The following SPRYD7 variants were observed in gnomAD, a reference collection of about 807,000 sequenced individuals.
SPRYD7 encodes the protein SPRY domain containing 7, also known as SPRY domain-containing protein 7.
A neutral mutation model predicts 23.8 loss-of-function variants in SPRYD7; 14 were observed. That is an observed-to-expected ratio of 0.59 (90% CI 0.39 to 0.92). The LOEUF (loss-of-function observed/expected upper bound fraction) is 0.92. Among genes scored for constraint, SPRYD7 ranks in the 40% least tolerant of loss-of-function variants. The pLI, the probability that SPRYD7 is intolerant of heterozygous loss-of-function variation, is 0.00. For synonymous variants in SPRYD7, 75 were observed against 84.9 expected (o/e 0.88, Z 0.64); for missense variants, 194 against 241.7 (o/e 0.80, Z 1.31).
intron 4 of SPRYD7, among the ~76,000 whole-genome samples, chr13:49,921,151 T>C (rs1374757786): frequency 1.3e-5 from 2 of 152,104 alleles, no homozygotes; most frequent in Admixed American, 6.6e-5. Context: ...AATTGAATCA[T>C]GGGGGTGGTT....
chr13:49,929,101 G>A (rs539421133), intron 2 of SPRYD7, among the ~76,000 whole-genome samples: 2 of 152,204 alleles, frequency 1.3e-5, no homozygotes, highest in South Asian at 2.1e-4. Flanking sequence ...CTCCCAAAGC[G>A]CTGGAATTAC....
intron 4 of SPRYD7, among the ~76,000 whole-genome samples, chr13:49,920,677 A>G (rs562058446): frequency 6.6e-6 from 1 of 152,212 alleles, no homozygotes; most frequent in East Asian, 1.9e-4. Flanking sequence ...AAAGGTCCTT[A>G]TGGCTGGGCA....
At position 49,913,716 on chromosome 13, in the gene SPRYD7, C is replaced by T. The variant is rs1594505824; in HGVS notation, c.*1347G>A. 1 of 151,986 alleles carries T rather than the reference C, an allele frequency of 6.6e-6. No individual in the cohort carries two copies. Among genetic ancestry groups the T allele is most frequent in the Middle Eastern group, 3.4e-3 (1 of 294 alleles). 9.4% of individuals were successfully genotyped at this position (151,986 alleles called of 1,614,324 possible). On this transcript the variant is annotated 3_prime_UTR_variant, in exon 5 of 5. Coordinates refer to ENST00000361840, the MANE Select transcript of SPRYD7 (RefSeq NM_020456.4). ...TTTTTTTGTATTTTTTTAGTAGAGCCAGGGTTTCACCATGTTAGCCACGAT... is the reference window on the plus strand; with the variant it reads ...TTTTTTTGTATTTTTTTAGTAGAGCTAGGGTTTCACCATGTTAGCCACGAT...
intron 2 of SPRYD7, among the ~76,000 whole-genome samples, chr13:49,930,615 A>G (rs1955937338): frequency 6.6e-6 from 1 of 152,146 alleles, no homozygotes; most frequent in African/African-American, 2.4e-5. Context: ...CTCAGAATCA[A>G]CAGATTGACT....
rs553017876 is a variant in SPRYD7 at position 49,934,118 on chromosome 13, A to G, written c.106+2012T>C. Among the ~76,000 whole-genome samples, 9 of 151,936 alleles carry G rather than the reference A, an allele frequency of 5.9e-5. No individual in the cohort carries two copies. In the South Asian group the frequency reaches 1.9e-3, roughly 32 times the overall value. On this transcript the variant is annotated intron_variant, in intron 1 of 4. Coordinates refer to ENST00000361840, the MANE Select transcript of SPRYD7 (RefSeq NM_020456.4). ...AATAATCTTTCACACCACCAAATCC[A>G]TGTGTTTCTATTTTCAAGTCAAGAT...
At chr13:49,918,664 C>T (rs1277214440) in intron 4 of SPRYD7, among the ~76,000 whole-genome samples, 2 of 151,814 alleles carry the variant, frequency 1.3e-5, no homozygotes, top group African/African-American at 4.8e-5. Context: ...AGGCATGAGC[C>T]ACCGTGCCTG....
chr13:49,925,128 C>G (rs1262316595), intron 3 of SPRYD7, among the ~76,000 whole-genome samples: 1 of 152,094 alleles, frequency 6.6e-6, no homozygotes, highest in African/African-American at 2.4e-5. Context: ...CACGGTGGCT[C>G]ATGCCTGTAA....
chr13:49,918,720 A>AT (rs1206280555), intron 4 of SPRYD7, among the ~76,000 whole-genome samples: 31 of 131,152 alleles, frequency 2.4e-4, no homozygotes, highest in South Asian at 1.2e-3. Context: ...ATTTTATTTT[A>AT]TTTTTTTTTG....
rs138311558 is a variant in SPRYD7, at chr13:49,920,290, A to G, written c.493+1188T>C. 6.5e-3 allele frequency among the ~76,000 whole-genome samples: 991 copies of G among 152,022 alleles called. 9 individuals carry two copies. Among genetic ancestry groups the G allele is most frequent in the African/African-American group, 0.022 (930 of 41,458 alleles). The stretch of plus-strand genomic sequence containing the variant: ...CAAAACAAAACAAAACAAAAAAACA[A>G]AAAATTAAAGTTAAAATTAAAATTC... On this transcript the variant is annotated intron_variant, in intron 4 of 4. Coordinates refer to ENST00000361840, the MANE Select transcript of SPRYD7 (RefSeq NM_020456.4).
intron 1 of SPRYD7, among the ~76,000 whole-genome samples, chr13:49,935,337 CCTT>C (rs1241730598): frequency 2.0e-5 from 3 of 152,146 alleles, no homozygotes; most frequent in South Asian, 2.1e-4. Context: ...GGAAATCTCT[CCTT>C]CTAGAACCAC....
At chr13:49,915,904 T>C (rs1017531955) in intron 4 of SPRYD7, among the ~76,000 whole-genome samples, 23 of 152,174 alleles carry the variant, frequency 1.5e-4, no homozygotes, top group African/African-American at 5.1e-4. Flanking sequence ...CATAAATGAA[T>C]CTTCAAATAA....
At chr13:49,925,263 G>A (rs1186512785) in intron 3 of SPRYD7, among the ~76,000 whole-genome samples, 2 of 151,802 alleles carry the variant, frequency 1.3e-5, no homozygotes, top group East Asian at 2.0e-4. Flanking sequence ...GTGGTGGCAC[G>A]CACTTGTAGT....
At chr13:49,923,157 A>T (rs1955838848) in intron 3 of SPRYD7, among the ~76,000 whole-genome samples, 1 of 152,190 alleles carries the variant, frequency 6.6e-6, no homozygotes. Context: ...TCATTATGGG[A>T]CTACCAGAAA....
At chr13:49,929,499 TG>T (rs1467138154) in intron 2 of SPRYD7, among the ~76,000 whole-genome samples, 1 of 152,162 alleles carries the variant, frequency 6.6e-6, no homozygotes, top group African/African-American at 2.4e-5. Context: ...TTTTTGTTTT[TG>T]TATTTGTTTT....
chr13:49,927,017 A>C (rs947222163), intron 3 of SPRYD7, among the ~76,000 whole-genome samples: 1 of 152,206 alleles, frequency 6.6e-6, no homozygotes, highest in African/African-American at 2.4e-5. Flanking sequence ...GTAAAAACAG[A>C]AAAGTCTTAA....
chr13:49,923,015 C>T (rs947773610), intron 3 of SPRYD7, among the ~76,000 whole-genome samples: 3 of 152,152 alleles, frequency 2.0e-5, no homozygotes, highest in Non-Finnish European at 2.9e-5. Context: ...GCCTTTGCTT[C>T]GCTTTAGTTT....
rs544462686 is a variant in SPRYD7, at chr13:49,925,787, G to C, written c.390+2132C>G. Among the ~76,000 whole-genome samples, 419 of 152,030 alleles carry C rather than the reference G, an allele frequency of 2.8e-3. 2 individuals carry two copies. Among genetic ancestry groups the C allele is most frequent in the Non-Finnish European group, 4.3e-3 (292 of 67,974 alleles). On this transcript the variant is annotated intron_variant, in intron 3 of 4. Transcript: ENST00000361840. ...AGATAGCGCCACTGCACTCCAGCCT[G>C]GGTGACAGAGCGAGTGGCCATCTGA...
chr13:49,929,816 G>C (rs1002917624), intron 2 of SPRYD7, among the ~76,000 whole-genome samples: 3 of 148,238 alleles, frequency 2.0e-5, no homozygotes, highest in Non-Finnish European at 4.5e-5. Flanking sequence ...TTGAGACGGA[G>C]TCTCACTCTG....
intron 1 of SPRYD7, among the ~76,000 whole-genome samples, chr13:49,932,697 A>G (rs1359363958): frequency 1.3e-5 from 2 of 152,238 alleles, no homozygotes; most frequent in African/African-American, 4.8e-5. Flanking sequence ...AAATTAGGTC[A>G]TAGTAACAAA....
Sources: allele counts gnomAD v4.1 joint callset (sites outside exome capture counted in the v4.1 genomes callset), GRCh38; gene constraint gnomAD v4.1.1; transcripts MANE v1.5; gene names NCBI Gene and HGNC (gene_info 2026-07-23, HGNC 2026-07-21).